NHSL1: variants seen among roughly 807,000 people sequenced by gnomAD.
The protein encoded by NHSL1 is NHS like 1, also known as NHS-like protein 1.
NHSL1 carries 48 observed loss-of-function variants against 95.0 expected under a neutral mutation model. The observed-to-expected ratio is 0.51, with a 90% CI of 0.40 to 0.64. NHSL1 has a LOEUF of 0.64. NHSL1 is among the 30% of genes least tolerant of loss of function. The pLI is 0.00. For missense variants in NHSL1, 1,971 were observed against 2,077.7 expected (o/e 0.95, Z 1.00); for synonymous variants, 783 against 833.9 (o/e 0.94, Z 1.05).
rs182739014 is a variant in NHSL1 at position 138,604,215 on chromosome 6, A to T, written c.96+88261T>A. ...TCCCATCAGTCAACTAAAAAGAAAA[A>T]TAAAGAAGTTTGATAGGAACCTTGC... On this transcript the variant is annotated intron_variant, in intron 1 of 3. Transcript: ENST00000491526. Among the ~76,000 whole-genome samples the T allele has an allele frequency of 2.0e-5, 3 of 152,346 alleles. No individual in the cohort carries two copies. The East Asian group carries it at 5.8e-4, about 29-fold the overall frequency.
intron 5 of NHSL1, among the ~76,000 whole-genome samples, chr6:138,436,805 T>C (rs1288757213): frequency 6.6e-6 from 1 of 152,204 alleles, no homozygotes; most frequent in Non-Finnish European, 1.5e-5. Context: ...CTTTTACCAT[T>C]CTGAAAATCC....
chr6:138,508,166 C>T (rs1413727433), intron 1 of NHSL1, among the ~76,000 whole-genome samples: 1 of 152,092 alleles, frequency 6.6e-6, no homozygotes, highest in African/African-American at 2.4e-5. Context: ...AGACAGAAAA[C>T]ATGCTATGAA....
At position 138,422,297 on chromosome 6, in the gene NHSL1, A is replaced by G. The variant is rs1283113518; in HGVS notation, c.*1784T>C. The stretch of plus-strand genomic sequence containing the variant: ...GATCTTTGTGCCAAATTAGTAGACA[A>G]TTGCTCCAAATCTCTGGTCTTGACT... On this transcript the variant is annotated 3_prime_UTR_variant, in exon 8 of 8. Transcript: ENST00000343505. The G allele has an allele frequency of 1.3e-5, 2 of 152,192 alleles. No individual in the cohort carries two copies. Among genetic ancestry groups the G allele is most frequent in the Non-Finnish European group, 2.9e-5 (2 of 68,038 alleles). 9.4% of individuals were successfully genotyped at this position (152,192 alleles called of 1,614,324 possible).
At chr6:138,517,059 AG>A (rs1781489400) in intron 1 of NHSL1, among the ~76,000 whole-genome samples, 1 of 152,240 alleles carries the variant, frequency 6.6e-6, no homozygotes. Context: ...TTGATGAGAA[AG>A]GGATGGAAGT....
rs982624633 is a variant in NHSL1, at chr6:138,441,209, C to T, written c.664+774G>A. 3.3e-5 allele frequency among the ~76,000 whole-genome samples: 5 copies of T among 152,272 alleles called. No individual in the cohort carries two copies. The East Asian group carries it at 5.8e-4, about 18-fold the overall frequency. ...GTGGCAGAGTTAGGGTTCAACCAAGCGGGCTGGCACTGGAGTCCTTAGTCC... is the reference window on the plus strand; with the variant it reads ...GTGGCAGAGTTAGGGTTCAACCAAGTGGGCTGGCACTGGAGTCCTTAGTCC... On this transcript the variant is annotated intron_variant, in intron 5 of 7. Transcript: ENST00000343505.
At position 138,432,551 on chromosome 6, in the gene NHSL1, C is replaced by A; in HGVS notation, c.1794G>T (p.Ser598=). The A allele has an allele frequency of 4.5e-6, 7 of 1,552,004 alleles. No individual in the cohort carries two copies. The highest frequency in any genetic ancestry group is 6.1e-6 in the Non-Finnish European group (7 of 1,147,020). The change falls in exon 6 of 8, where the codon TCG becomes TCT. Residue 598 remains serine, a synonymous_variant. Transcript: ENST00000343505. This position sits in a 1 kb window ranked among gnomAD's most constrained non-coding sequence, Gnocchi z 4.4. The part of the protein sequence containing the change: ...DQTSNKEDAG[S]LYSEDHDGYC... ...AGCCATCGTGGTCCTCAGAATACAG[C>A]GACCCAGCATCCTCTTTGTTGGACG...
chr6:138,478,554 T>C (rs1779229778), intron 2 of NHSL1, among the ~76,000 whole-genome samples: 1 of 152,142 alleles, frequency 6.6e-6, no homozygotes, highest in African/African-American at 2.4e-5. Flanking sequence ...TTCTTGTCTG[T>C]GGGGTGAAAC....
chr6:138,475,144 G>A (rs555243933), intron 2 of NHSL1, among the ~76,000 whole-genome samples: 65 of 142,978 alleles, frequency 4.5e-4, no homozygotes, highest in Non-Finnish European at 7.7e-4. Context: ...AGTGAAACTC[G>A]GTCTCAAAAA....
chr6:138,681,094 C>CA (rs1269027552), intron 1 of NHSL1, among the ~76,000 whole-genome samples: 1 of 151,470 alleles, frequency 6.6e-6, no homozygotes, highest in Non-Finnish European at 1.5e-5. Context: ...TGAGATCTCA[C>CA]AAAAAAGAAA....
intron 5 of NHSL1, among the ~76,000 whole-genome samples, chr6:138,438,805 T>C (rs1018013277): frequency 6.6e-6 from 1 of 152,126 alleles, no homozygotes; most frequent in African/African-American, 2.4e-5. Context: ...CAAAAATTAT[T>C]AATAAAGGGA....
chr6:138,652,306 C>T lies in NHSL1; in HGVS notation c.96+40170G>A, dbSNP rs1208048454. On this transcript the variant is annotated intron_variant, in intron 1 of 3. Coordinates refer to the NHSL1 transcript ENST00000491526. Reference sequence around the variant, plus strand: ...AAAATACAAAATTAGCCAGGCGTGGCGGCTCATGCCTGTAATCCCAGCTAC... The same window carrying T: ...AAAATACAAAATTAGCCAGGCGTGGTGGCTCATGCCTGTAATCCCAGCTAC... 3.3e-5 allele frequency among the ~76,000 whole-genome samples: 5 copies of T among 151,616 alleles called. No individual in the cohort carries two copies. In the East Asian group the frequency reaches 5.8e-4, roughly 18 times the overall value.
chr6:138,608,023 C>G (rs1784457688), intron 1 of NHSL1, among the ~76,000 whole-genome samples: 1 of 152,226 alleles, frequency 6.6e-6, no homozygotes, highest in South Asian at 2.1e-4. Flanking sequence ...ACCCTGTCAG[C>G]TTCGCTCACT....
At chr6:138,425,148 T>C (rs1333039817) in intron 7 of NHSL1, among the ~76,000 whole-genome samples, 1 of 152,178 alleles carries the variant, frequency 6.6e-6, no homozygotes. Flanking sequence ...TGGAGTGCAA[T>C]AGCGCAATCT....
rs574041815 is a variant in NHSL1 at position 138,609,703 on chromosome 6, T to C, written c.96+82773A>G. 6.9e-4 allele frequency among the ~76,000 whole-genome samples: 97 copies of C among 140,622 alleles called. 1 individual carries two copies. The highest frequency in any genetic ancestry group is 2.3e-3 in the African/African-American group (88 of 37,798). 92.3% of individuals were successfully genotyped at this position (140,622 alleles called of 152,430 possible). Reference sequence around the variant, plus strand: ...AGGCAGAGCTTGCAGTGAGCCGAGATTGCACCACTGCACTCCAGCCTGGGA... The same window carrying C: ...AGGCAGAGCTTGCAGTGAGCCGAGACTGCACCACTGCACTCCAGCCTGGGA... On this transcript the variant is annotated intron_variant, in intron 1 of 3. Transcript: ENST00000491526.
intron 1 of NHSL1, among the ~76,000 whole-genome samples, chr6:138,631,490 G>A (rs1784818835): frequency 6.6e-6 from 1 of 152,126 alleles, no homozygotes; most frequent in Admixed American, 6.5e-5. Context: ...GAACAGTGAG[G>A]AGGACATTGT....
At chr6:138,480,892 C>T (rs538292822) in intron 2 of NHSL1, among the ~76,000 whole-genome samples, 1 of 152,144 alleles carries the variant, frequency 6.6e-6, no homozygotes, top group Non-Finnish European at 1.5e-5. Flanking sequence ...TTTGTGTTTA[C>T]AATAATTCTC....
chr6:138,449,816 T>G (rs1777116281), intron 3 of NHSL1, among the ~76,000 whole-genome samples: 2 of 152,330 alleles, frequency 1.3e-5, no homozygotes, highest in East Asian at 3.9e-4. Context: ...GTGGAAAAGA[T>G]AAATCATATA....
intron 1 of NHSL1, among the ~76,000 whole-genome samples, chr6:138,662,420 GC>G (rs901758532): frequency 2.6e-5 from 4 of 152,226 alleles, no homozygotes; most frequent in African/African-American, 9.6e-5. Context: ...TCCTTGGAAA[GC>G]CATTATTTTT....
chr6:138,610,659 T>C (rs1038971679), intron 1 of NHSL1, among the ~76,000 whole-genome samples: 4 of 151,908 alleles, frequency 2.6e-5, no homozygotes, highest in Admixed American at 6.6e-5. Flanking sequence ...CCTATCCCGA[T>C]AGTTCCACCC....
Sources: gnomAD v4.1 joint callset for allele counts (sites outside exome capture counted in the v4.1 genomes callset) on GRCh38, gnomAD v4.1.1 for gene constraint, Gnocchi (gnomAD v3.1) non-coding constraint, MANE v1.5 for transcripts, NCBI Gene and HGNC (gene_info 2026-07-23, HGNC 2026-07-21) for gene names.